Variants in TMED5 observed in about 807,000 individuals in gnomAD.
The protein encoded by TMED5 is transmembrane emp24 domain-containing protein 5.
Under a neutral mutation model 23.0 loss-of-function variants are expected in TMED5, and 27 were observed. That is an observed-to-expected ratio of 1.17 (90% CI 0.86 to 1.62). The LOEUF is 1.62. Ranked by LOEUF, TMED5 falls within the 40% of genes most tolerant of loss-of-function variation. The pLI, the probability that TMED5 is intolerant of heterozygous loss-of-function variation, is 0.00. For synonymous variants in TMED5, 97 were observed against 100.8 expected (o/e 0.96, Z 0.23); for missense variants, 248 against 273.7 (o/e 0.91, Z 0.66).
Position 93,150,820 on chromosome 1 carries a change from T to C in TMED5, c.*3850A>G, listed in dbSNP as rs901997892. The C allele has an allele frequency of 6.6e-6, 1 of 152,246 alleles. No homozygotes were observed. Among genetic ancestry groups the C allele is most frequent in the Non-Finnish European group, 1.5e-5 (1 of 68,046 alleles). The allele number at this position is 152,246 out of a possible 1,614,324, so 9.4% of individuals were successfully genotyped here. A position where few individuals can be genotyped will look rare whatever the true frequency, so the allele number is the denominator to read the frequency against. ...GATTAGGGAGTAGTATCTTTCTTTC[T>C]GAGGGAGTTTATATCAGTTTGGGTA... is the stretch of plus-strand genomic sequence containing the variant. On this transcript the variant is annotated 3_prime_UTR_variant, in exon 4 of 4. Transcript: ENST00000370282.
chr1:93,156,486 GTAT>G lies in TMED5; in HGVS notation c.288-6_288-4del. ...AATCACCAACTTCAGTCTCTACACT[GTAT>G]AAAAAAAAGTACATGTTTTAAGTTA... is the stretch of plus-strand genomic sequence containing the variant. On this transcript the variant is annotated splice_region_variant and splice_polypyrimidine_tract_variant and intron_variant, in intron 2 of 3. Coordinates refer to ENST00000370282, the MANE Select transcript of TMED5 (RefSeq NM_016040.5). 1 of 1,605,088 alleles carries G rather than the reference GTAT, an allele frequency of 6.2e-7. No individual in the cohort carries two copies. The highest frequency in any genetic ancestry group is 1.1e-5 in the South Asian group (1 of 89,456).
At chr1:93,155,221 C>A (rs919579784) in intron 3 of TMED5, among the ~76,000 whole-genome samples, 1 of 152,022 alleles carries the variant, frequency 6.6e-6, no homozygotes, top group Non-Finnish European at 1.5e-5. Flanking sequence ...GTGAGTGAGA[C>A]CCTGTCTCAA....
rs904715066 is a variant in TMED5, at chr1:93,162,884, A to G, written c.190-2658T>C. The G allele has an allele frequency of 5.3e-5, 8 of 152,282 alleles. 1 individual carries two copies. The highest frequency in any genetic ancestry group is 5.2e-4 in the Admixed American group (8 of 15,296). The allele number at this position is 152,282 out of a possible 1,614,324, so 9.4% of individuals were successfully genotyped here. ...CATGTAGTCAATGTTCCCAAGTAAA[A>G]AGATATTTACTGACATGAAAGCAAA... On this transcript the variant is annotated intron_variant, in intron 1 of 3. Coordinates refer to ENST00000370282, the MANE Select transcript of TMED5 (RefSeq NM_016040.5).
chr1:93,164,874 T>C (rs1571277329), intron 1 of TMED5, among the ~76,000 whole-genome samples: 1 of 152,262 alleles, frequency 6.6e-6, no homozygotes, highest in African/African-American at 2.4e-5. Flanking sequence ...GTTGCTTTCA[T>C]AATCAGGTTA....
At position 93,153,097 on chromosome 1, in the gene TMED5, C is replaced by G. The variant is rs1472423188; in HGVS notation, c.*1573G>C. On this transcript the variant is annotated 3_prime_UTR_variant, in exon 4 of 4. Transcript: ENST00000370282. ...AGCATTACTAACCTGTTGAGGGGTT[C>G]TATACCCCAAATTTTAAGTTTGTTT... is the stretch of plus-strand genomic sequence containing the variant. 2.0e-5 allele frequency: 3 copies of G among 152,536 alleles called. No individual in the cohort carries two copies. 9.4% of individuals were successfully genotyped at this position (152,536 alleles called of 1,614,324 possible). A position where few individuals can be genotyped will look rare whatever the true frequency, so the allele number is the denominator to read the frequency against.
chr1:93,175,175 T>TTTTATATATATATATATATATA (rs1553160148), intron 1 of TMED5, among the ~76,000 whole-genome samples: 3 of 119,870 alleles, frequency 2.5e-5, no homozygotes, highest in African/African-American at 1.2e-4. Flanking sequence ...TAAAAGCCAT[T>TTTTATATATATATATATATATA]TATATATATA....
intron 1 of TMED5, among the ~76,000 whole-genome samples, chr1:93,175,175 T>TTACATATATATATATATATATATATATA (rs1648864833): frequency 8.3e-6 from 1 of 119,872 alleles, no homozygotes; most frequent in African/African-American, 4.0e-5. Context: ...TAAAAGCCAT[T>TTACATATATATATATATATATATATATA]TATATATATA....
chr1:93,175,318 C>T (rs892498750), intron 1 of TMED5, among the ~76,000 whole-genome samples: 138 of 106,868 alleles, frequency 1.3e-3, no homozygotes, highest in Middle Eastern at 4.8e-3. Flanking sequence ...TATATATATA[C>T]ACACACACAC....
chr1:93,175,173 A>AC (rs1648863423), intron 1 of TMED5, among the ~76,000 whole-genome samples: 1 of 72,508 alleles, frequency 1.4e-5, no homozygotes, highest in African/African-American at 4.9e-5. Flanking sequence ...CTTAAAAGCC[A>AC]TTTATATATA....
chr1:93,158,872 T>C, intron 2 of TMED5: 1 of 948,230 alleles, frequency 1.1e-6, no homozygotes, highest in Non-Finnish European at 1.3e-6. Context: ...GGCCCATTTT[T>C]ACTTCTTATA....
chr1:93,165,161 C>T (rs959794978), intron 1 of TMED5, among the ~76,000 whole-genome samples: 9 of 152,144 alleles, frequency 5.9e-5, no homozygotes, highest in Non-Finnish European at 8.8e-5. Flanking sequence ...TGTGAGAGAT[C>T]CAGAGTAGAA....
chr1:93,164,858 T>C (rs891765874), intron 1 of TMED5, among the ~76,000 whole-genome samples: 6 of 152,218 alleles, frequency 3.9e-5, no homozygotes, highest in Admixed American at 3.3e-4. Context: ...GCAAATGTGA[T>C]GGGATGTTGC....
chr1:93,177,240 CCT>C (rs1436486977), intron 1 of TMED5, among the ~76,000 whole-genome samples: 1 of 152,120 alleles, frequency 6.6e-6, no homozygotes, highest in Non-Finnish European at 1.5e-5. Context: ...AATGATTTTA[CCT>C]CTTTCCTTAA....
chr1:93,180,200 C>G lies in TMED5; in HGVS notation c.43G>C (p.Ala15Pro). The G allele has an allele frequency of 6.2e-7, 1 of 1,613,202 alleles. No homozygotes were observed. Among genetic ancestry groups the G allele is most frequent in the Non-Finnish European group, 8.5e-7 (1 of 1,179,718 alleles). Residue 15 changes from alanine to proline, a missense_variant, in exon 1 of 4, where the codon GCC becomes CCC. Physicochemically the swap from Ala to Pro is conservative, Grantham distance 27. Transcript: ENST00000370282. ...GGCAGCAGCACCGGAGGCAGAGCGG[C>G]CAGAAGGAGCACGGGGAAGGGCAGC... ...IWLPFPVLLL[A>P]ALPPVLLPGA...
intron 1 of TMED5, among the ~76,000 whole-genome samples, chr1:93,170,440 G>A (rs1427245800): frequency 6.6e-6 from 1 of 152,226 alleles, no homozygotes; most frequent in East Asian, 1.9e-4. Flanking sequence ...ATTTCTCGCA[G>A]GACCTTAGCT....
intron 1 of TMED5, among the ~76,000 whole-genome samples, chr1:93,175,316 TACAC>T (rs376330795): frequency 1.5e-3 from 193 of 129,054 alleles, no homozygotes; most frequent in African/African-American, 5.0e-3. Context: ...TATATATATA[TACAC>T]ACACACACAC....
chr1:93,167,361 A>G (rs1041814669), intron 1 of TMED5, among the ~76,000 whole-genome samples: 1 of 152,156 alleles, frequency 6.6e-6, no homozygotes, highest in Non-Finnish European at 1.5e-5. Flanking sequence ...GGTAGTATGG[A>G]CATTTTAACA....
chr1:93,158,577 G>GTTTT (rs35305642), intron 2 of TMED5, among the ~76,000 whole-genome samples: 5 of 143,550 alleles, frequency 3.5e-5, no homozygotes, highest in Admixed American at 1.4e-4. Context: ...TACATTTTTA[G>GTTTT]TTTTGTTTTT....
chr1:93,176,530 C>CAT lies in TMED5; in HGVS notation c.189+3522_189+3523dup, dbSNP rs948611707. 5.2e-4 allele frequency among the ~76,000 whole-genome samples: 74 copies of CAT among 143,318 alleles called. No individual in the cohort carries two copies. The Middle Eastern group carries it at 0.018, about 35-fold the overall frequency. The allele number at this position is 143,318 out of a possible 152,430, so 94.0% of individuals were successfully genotyped here. On this transcript the variant is annotated intron_variant, in intron 1 of 3. Coordinates refer to ENST00000370282, the MANE Select transcript of TMED5 (RefSeq NM_016040.5). Reference sequence around the variant, plus strand: ...CTATACACACACACACACACACAAACATATATATATATATTTTTTTGAGGC... The same window carrying CAT: ...CTATACACACACACACACACACAAACATATATATATATATATTTTTTTGAGGC...
Sources: gnomAD v4.1 joint callset for allele counts (sites outside exome capture counted in the v4.1 genomes callset) on GRCh38, gnomAD v4.1.1 for gene constraint, MANE v1.5 for transcripts, NCBI Gene and HGNC (gene_info 2026-07-23, HGNC 2026-07-21) for gene names.